The following FBN2 variants were observed in gnomAD, a reference collection of about 807,000 sequenced individuals.
FBN2 encodes the protein fibrillin 2.
Under a neutral mutation model 355.6 loss-of-function variants are expected in FBN2, and 105 were observed. The ratio of observed to expected loss-of-function variants is 0.30; its 90% CI spans 0.25 to 0.35. The LOEUF is 0.35. Ranked by LOEUF, FBN2 falls within the 10% of genes least tolerant of loss-of-function variation. The pLI is 1.00. For synonymous variants in FBN2, 1,350 were observed against 1,301.2 expected (o/e 1.04, Z -0.81); for missense variants, 3,280 against 3,758.7 (o/e 0.87, Z 3.33).
chr5:128,273,179 A>G (rs1765308016), intron 61 of FBN2, among the ~76,000 whole-genome samples: 1 of 152,236 alleles, frequency 6.6e-6, no homozygotes, highest in Non-Finnish European at 1.5e-5. Flanking sequence ...TTTATAAGAC[A>G]CTAATCCTAA....
rs1367168441 is a variant in FBN2, at chr5:128,275,809, T to A, written c.7594+229A>T. Among the ~76,000 whole-genome samples the A allele has an allele frequency of 2.0e-5, 3 of 152,306 alleles. No individual in the cohort carries two copies. In the South Asian group the frequency reaches 6.2e-4, roughly 32 times the overall value. ...TTTTGTTTTATTTTATTTTTTAAAA[T>A]TTATGCAGTTTTCTATAAGAAGCAA... On this transcript the variant is annotated intron_variant, in intron 59 of 64. Transcript: ENST00000262464.
intron 55 of FBN2, among the ~76,000 whole-genome samples, chr5:128,280,850 G>A (rs1304461927): frequency 3.3e-5 from 5 of 152,048 alleles, no homozygotes; most frequent in Non-Finnish European, 7.4e-5. Context: ...CTGCTCTTTT[G>A]GTTGGTGATA....
chr5:128,507,568 T>C (rs560448563), intron 5 of FBN2, among the ~76,000 whole-genome samples: 4 of 152,212 alleles, frequency 2.6e-5, no homozygotes, highest in East Asian at 3.9e-4. Context: ...TGAATCCACA[T>C]GCATGGAACT....
intron 34 of FBN2, among the ~76,000 whole-genome samples, chr5:128,320,792 AAC>A: frequency 6.6e-6 from 1 of 152,234 alleles, no homozygotes. Flanking sequence ...CCATCATCTC[AAC>A]AGTTTTAAAA....
chr5:128,519,401 T>C (rs769156273), intron 4 of FBN2, 33 bp from the exon 5 acceptor site: 4 of 1,536,380 alleles, frequency 2.6e-6, no homozygotes, highest in African/African-American at 2.7e-5. Context: ...GCTCATTATA[T>C]AGCCAGTCTC....
At chr5:128,335,701 CATT>C (rs1307058501) in intron 28 of FBN2, 124 bp from the exon 29 acceptor site, 2 of 1,179,502 alleles carry the variant, frequency 1.7e-6, no homozygotes, top group Non-Finnish European at 2.5e-6. Flanking sequence ...GTTGATTGAA[CATT>C]ATCTTTCTTA....
intron 5 of FBN2, among the ~76,000 whole-genome samples, chr5:128,479,143 A>G (rs970118241): frequency 6.6e-6 from 1 of 152,172 alleles, no homozygotes; most frequent in Non-Finnish European, 1.5e-5. Context: ...GTAACACTCA[A>G]ACTTTCTTAG....
intron 5 of FBN2, among the ~76,000 whole-genome samples, chr5:128,472,025 G>T (rs1362868276): frequency 6.6e-6 from 1 of 152,180 alleles, no homozygotes; most frequent in East Asian, 1.9e-4. Context: ...ACTAAAATCT[G>T]TTAAGACTAT....
intron 6 of FBN2, among the ~76,000 whole-genome samples, chr5:128,456,000 A>ACAAAC (rs1293807502): frequency 4.4e-5 from 6 of 136,058 alleles, no homozygotes; most frequent in South Asian, 2.4e-4. Context: ...CAAAAAAAAA[A>ACAAAC]AAAAAAAAAA....
In FBN2 at chr5:128,334,829, T is replaced by A. The variant is rs752239098; in HGVS notation, c.3989A>T (p.Asp1330Val). ...AAACATGCAGATATTTGAATTTAGG[T>A]CACATTCATTGACATCTAGAAAATT... Reference protein sequence around the residue: ...MKTCIDVNECDLNSNICMFGE... With the variant: ...MKTCIDVNECVLNSNICMFGE... The change falls in exon 31 of 65, where the codon GAC (aspartate) becomes GTC (valine). Residue 1330 changes from aspartate to valine, a missense_variant. By Grantham distance (152) the Asp-to-Val change is radical. Around this residue, in one of 6 missense-constraint regions of FBN2, gnomAD observed 2,284 missense variants for 2,749.5 expected, o/e 0.83. Transcript: ENST00000262464. 1 of 1,612,482 alleles carries A rather than the reference T, an allele frequency of 6.2e-7. No homozygotes were observed. The highest frequency in any genetic ancestry group is 8.5e-7 in the Non-Finnish European group (1 of 1,178,480).
chr5:128,470,611 A>G (rs771372033), intron 5 of FBN2, among the ~76,000 whole-genome samples: 5 of 152,262 alleles, frequency 3.3e-5, no homozygotes, highest in African/African-American at 7.2e-5. Flanking sequence ...CATATTTTGA[A>G]ATTACAGACC....
intron 8 of FBN2, 50 bp from the exon 9 acceptor site, chr5:128,395,324 C>G: frequency 6.3e-7 from 1 of 1,599,902 alleles, no homozygotes; most frequent in Non-Finnish European, 8.6e-7. Context: ...ACCTCAGGTT[C>G]TTACAACAAT....
chr5:128,303,881 G>A (rs2126836874), intron 45 of FBN2, among the ~76,000 whole-genome samples: 1 of 152,256 alleles, frequency 6.6e-6, no homozygotes, highest in Non-Finnish European at 1.5e-5. Flanking sequence ...GCAAGAAGAA[G>A]CATGTATAAA....
At position 128,464,816 on chromosome 5, in the gene FBN2, C is replaced by T. The variant is rs747507457; in HGVS notation, c.734G>A (p.Arg245Gln). 18 of 1,614,220 alleles carry T rather than the reference C, an allele frequency of 1.1e-5. No individual in the cohort carries two copies. The highest frequency in any genetic ancestry group is 6.7e-5 in the African/African-American group (5 of 75,068). The change falls in exon 6 of 65, where the codon CGG (arginine) becomes CAG (glutamine). Residue 245 changes from arginine (R) to glutamine (Q), a missense_variant. By Grantham distance (43) the Arg-to-Gln change is conservative. Transcript: ENST00000262464. Reference sequence around the variant, plus strand: ...CATCTCACAGGGATGGCCCCACGCCCGTCCAATGGTGGCACAGCACAGAGT... The same window carrying T: ...CATCTCACAGGGATGGCCCCACGCCTGTCCAATGGTGGCACAGCACAGAGT... ...TKTLCCATIG[R>Q]AWGHPCEMCP...
At position 128,259,665 on chromosome 5, in the gene FBN2, G is replaced by T; in HGVS notation, c.8529C>A (p.Ser2843Arg). 1 of 1,614,046 alleles carries T rather than the reference G, an allele frequency of 6.2e-7. No individual in the cohort carries two copies. Among genetic ancestry groups the T allele is most frequent in the Non-Finnish European group, 8.5e-7 (1 of 1,179,998 alleles). The change falls in exon 65 of 65, where the codon AGC (serine) becomes AGA (arginine). Residue 2843 changes from serine (S) to arginine (R), a missense_variant. Physicochemically the swap from Ser to Arg is moderately radical, Grantham distance 110. This residue lies in a region of FBN2 where 311 missense variants were observed against 319.1 expected (regional missense o/e 0.97). Coordinates refer to ENST00000262464, the MANE Select transcript of FBN2 (RefSeq NM_001999.4). The stretch of plus-strand genomic sequence containing the variant: ...CATTCCTTTGGTGGATGCGGAAGAC[G>T]CTGTCATCGTTCCCTTGAGAGATGA... Reference protein sequence around the residue: ...RYVISQGNDDSVFRIHQRNGL... With the variant: ...RYVISQGNDDRVFRIHQRNGL...
At chr5:128,305,165 T>G in intron 44 of FBN2, 83 bp from the exon 45 acceptor site, 1 of 1,214,154 alleles carries the variant, frequency 8.2e-7, no homozygotes. Flanking sequence ...TTCTCTAATC[T>G]GCTATTAATT....
intron 5 of FBN2, among the ~76,000 whole-genome samples, chr5:128,515,309 C>T (rs568678503): frequency 1.3e-5 from 2 of 152,274 alleles, no homozygotes; most frequent in South Asian, 2.1e-4. Context: ...GCATGCACAC[C>T]TGAGTGGCAG....
In FBN2 at chr5:128,409,132, C is replaced by T. The variant is rs3805648; in HGVS notation, c.953-333G>A. 0.054 allele frequency among the ~76,000 whole-genome samples: 8,217 copies of T among 152,056 alleles called. 305 individuals carry two copies. Among genetic ancestry groups the T allele is most frequent in the East Asian group, 0.091 (469 of 5,170 alleles). The stretch of plus-strand genomic sequence containing the variant: ...AACTAGGGAATTATCCTACTAGAGC[C>T]TTTAAAAAAACACATACATGGATTA... On this transcript the variant is annotated intron_variant, in intron 7 of 64. Transcript: ENST00000262464.
chr5:128,381,446 C>A (rs1334770658), intron 11 of FBN2, among the ~76,000 whole-genome samples: 2 of 151,988 alleles, frequency 1.3e-5, no homozygotes, highest in East Asian at 3.9e-4. Context: ...AAAACATTAG[C>A]GCAGCTGACA....
Sources: gnomAD v4.1 joint callset for allele counts (sites outside exome capture counted in the v4.1 genomes callset) on GRCh38, gnomAD v4.1.1 for gene constraint, gnomAD v4.1.1 regional missense constraint, MANE v1.5 for transcripts, NCBI Gene and HGNC (gene_info 2026-07-23, HGNC 2026-07-21) for gene names.